GARNL3: variants seen among roughly 807,000 people sequenced by gnomAD.
GARNL3 encodes GTPase activating Rap/RanGAP domain like 3.
Under a neutral mutation model 125.0 loss-of-function variants are expected in GARNL3, and 63 were observed. That is an observed-to-expected ratio of 0.50 (90% CI 0.41 to 0.62). The LOEUF (loss-of-function observed/expected upper bound fraction) is 0.62, where lower values mean the gene tolerates loss of function less well. GARNL3 is among the 20% of genes least tolerant of loss of function. The pLI, the probability that GARNL3 is intolerant of heterozygous loss-of-function variation, is 0.00. For missense variants in GARNL3, 994 were observed against 1,244.0 expected, an observed-to-expected ratio of 0.80 and a Z score of 3.02; for synonymous variants, 439 against 457.5, an observed-to-expected ratio of 0.96 and a Z score of 0.52.
chr9:127,293,455 A>T (rs1264625811), intron 2 of GARNL3, among the ~76,000 whole-genome samples: 1 of 152,150 alleles, frequency 6.6e-6, no homozygotes, highest in Admixed American at 6.5e-5. Flanking sequence ...CAAAAGCTTT[A>T]AGATTAGATC....
Position 127,393,381 on chromosome 9 carries a change from C to A in GARNL3, c.*127C>A. On this transcript the variant is annotated 3_prime_UTR_variant, in exon 28 of 28. Coordinates refer to ENST00000373387, the MANE Select transcript of GARNL3 (RefSeq NM_032293.5). ...TCAGTGATCTATTGGACCAAACCTT[C>A]TGCACACTCGGCCAGTTCCCTCTCC... 1.3e-6 allele frequency: 1 copy of A among 762,462 alleles called. No homozygotes were observed. The highest frequency in any genetic ancestry group is 2.1e-6 in the Non-Finnish European group (1 of 485,036). 47.2% of individuals were successfully genotyped at this position (762,462 alleles called of 1,614,324 possible).
rs776407850 is a variant in GARNL3 at position 127,354,439 on chromosome 9, C to T, written c.1759+29C>T. ...ACTTGATAGATTGGTAGATTCCATT[C>T]GATTCGTTTTTTTTTTTCCTCAGGC... On this transcript the variant is annotated intron_variant, in intron 19 of 27. Transcript: ENST00000373387. 22 of 1,338,506 alleles carry T rather than the reference C, an allele frequency of 1.6e-5. No individual in the cohort carries two copies. The East Asian group carries it at 1.9e-4, about 11-fold the overall frequency. The allele number at this position is 1,338,506 out of a possible 1,614,324, so 82.9% of individuals were successfully genotyped here. A position where few individuals can be genotyped will look rare whatever the true frequency, so the allele number is the denominator to read the frequency against.
chr9:127,225,067 G>A (rs949096460), intron 1 of GARNL3, among the ~76,000 whole-genome samples: 5 of 147,008 alleles, frequency 3.4e-5, no homozygotes, highest in Admixed American at 6.7e-5. Flanking sequence ...AGTGATCGCG[G>A]GGCGGGGCTT....
Position 127,385,041 on chromosome 9 carries a change from T to C in GARNL3, c.2284T>C (p.Tyr762His). 2 of 1,608,558 alleles carry C rather than the reference T, an allele frequency of 1.2e-6. No homozygotes were observed. The highest frequency in any genetic ancestry group is 1.7e-6 in the Non-Finnish European group (2 of 1,176,596). Residue 762 changes from tyrosine to histidine, a missense_variant, in exon 24 of 28, where the codon TAT (tyrosine) becomes CAT (histidine). Physicochemically the swap from Tyr to His is moderately conservative, Grantham distance 83. This residue lies in a region of GARNL3 where 728 missense variants were observed against 865.7 expected (regional missense o/e 0.84). Coordinates refer to ENST00000373387, the MANE Select transcript of GARNL3 (RefSeq NM_032293.5). This position sits in a 1 kb window ranked among gnomAD's most constrained non-coding sequence, Gnocchi z 4.1. ...APYAIVCAFPYLLAFTTDSME... is the reference protein window; with the variant it reads ...APYAIVCAFPHLLAFTTDSME... ...TTCCCTTGCAGTCTGTGCTTTCCCGTATCTCCTGGCCTTCACCACCGACTC... is the reference window on the plus strand; with the variant it reads ...TTCCCTTGCAGTCTGTGCTTTCCCGCATCTCCTGGCCTTCACCACCGACTC...
At chr9:127,337,600 A>C (rs1203648061) in intron 11 of GARNL3, among the ~76,000 whole-genome samples, 2 of 152,232 alleles carry the variant, frequency 1.3e-5, no homozygotes, top group Non-Finnish European at 2.9e-5. Flanking sequence ...TGCAAACCCC[A>C]GCACAAGCTA....
intron 14 of GARNL3, 84 bp from the exon 15 acceptor site, chr9:127,344,151 T>C (rs1223331131): frequency 1.1e-6 from 1 of 881,046 alleles, no homozygotes; most frequent in African/African-American, 1.7e-5. Context: ...ACCATTTGGA[T>C]AAATAGTTTT....
Position 127,313,564 on chromosome 9 carries a change from G to C in GARNL3, c.438+5G>C. 2 of 1,594,408 alleles carry C rather than the reference G, an allele frequency of 1.3e-6. No homozygotes were observed. The highest frequency in any genetic ancestry group is 1.7e-6 in the Non-Finnish European group (2 of 1,162,062). On this transcript the variant is annotated splice_donor_5th_base_variant and intron_variant, in intron 4 of 27. Transcript: ENST00000373387. Reference sequence around the variant, plus strand: ...GCAATTCTTTGGAGAAAAACAGTAAGTATATGGCTCACACTTGAAGCAAAA... The same window carrying C: ...GCAATTCTTTGGAGAAAAACAGTAACTATATGGCTCACACTTGAAGCAAAA...
At chr9:127,241,092 T>G (rs989634188) in intron 1 of GARNL3, among the ~76,000 whole-genome samples, 1 of 152,248 alleles carries the variant, frequency 6.6e-6, no homozygotes, top group Admixed American at 6.5e-5. Flanking sequence ...TAGTGGCTAG[T>G]GGCTACCCAG....
chr9:127,354,852 G>A (rs1564172198), intron 19 of GARNL3, among the ~76,000 whole-genome samples: 3 of 152,144 alleles, frequency 2.0e-5, no homozygotes, highest in South Asian at 4.1e-4. Context: ...GAGTGCAGTG[G>A]CACAATCTCG....
chr9:127,246,073 T>C (rs774269666), intron 2 of GARNL3, among the ~76,000 whole-genome samples: 1 of 152,144 alleles, frequency 6.6e-6, no homozygotes, highest in Admixed American at 6.5e-5. Flanking sequence ...TACTTTGAAG[T>C]TGGTGCTTCT....
At chr9:127,336,019 G>T in intron 10 of GARNL3, 109 bp from the exon 11 acceptor site, 2 of 764,552 alleles carry the variant, frequency 2.6e-6, no homozygotes, top group Non-Finnish European at 2.1e-6. Context: ...GAAGTTCAGG[G>T]CTCTGTCATA....
intron 2 of GARNL3, among the ~76,000 whole-genome samples, chr9:127,255,349 G>A (rs1461384646): frequency 1.3e-5 from 2 of 152,178 alleles, no homozygotes; most frequent in African/African-American, 2.4e-5. Context: ...AATCTCAAGA[G>A]CAAATTGTTC....
At chr9:127,390,865 C>T (rs1282319801) in intron 27 of GARNL3, 98 bp downstream of exon 27, 2 of 1,259,604 alleles carry the variant, frequency 1.6e-6, no homozygotes, top group Non-Finnish European at 2.2e-6. Flanking sequence ...CCACTAGTGG[C>T]CCCTGGCAGC....
chr9:127,324,769 A>G (rs950248304), intron 6 of GARNL3, among the ~76,000 whole-genome samples: 1 of 152,246 alleles, frequency 6.6e-6, no homozygotes, highest in Non-Finnish European at 1.5e-5. Context: ...CAAATAGATT[A>G]AATGACTTAT....
chr9:127,365,401 T>C, intron 22 of GARNL3, 35 bp downstream of exon 22: 1 of 1,496,866 alleles, frequency 6.7e-7, no homozygotes, highest in Non-Finnish European at 9.3e-7. Context: ...TTTATTTGCT[T>C]AAATGGACTG....
At chr9:127,254,746 G>A (rs1410962892) in intron 2 of GARNL3, among the ~76,000 whole-genome samples, 1 of 150,520 alleles carries the variant, frequency 6.6e-6, no homozygotes, top group African/African-American at 2.5e-5. Flanking sequence ...TCCAGCCTGG[G>A]TGACAGAGCG....
intron 3 of GARNL3, among the ~76,000 whole-genome samples, chr9:127,312,757 T>C (rs533534347): frequency 2.6e-5 from 4 of 152,270 alleles, no homozygotes; most frequent in African/African-American, 9.6e-5. Flanking sequence ...GCAAAGTTTA[T>C]TGGTGTGTGG....
chr9:127,226,742 AGTT>A (rs2062920695), intron 1 of GARNL3, among the ~76,000 whole-genome samples: 1 of 152,230 alleles, frequency 6.6e-6, no homozygotes, highest in Non-Finnish European at 1.5e-5. Context: ...CACTGCGTGT[AGTT>A]ACCCAGGTAG....
rs1175193745 is a variant in GARNL3 at position 127,242,339 on chromosome 9, G to A, written c.-28-740G>A. 6.6e-6 allele frequency among the ~76,000 whole-genome samples: 1 copy of A among 152,162 alleles called. No homozygotes were observed. Among genetic ancestry groups the A allele is most frequent in the African/African-American group, 2.4e-5 (1 of 41,436 alleles). Reference sequence around the variant, plus strand: ...TTTGTCTGTCAGTTGAGGTAGAGGTGAGTGAAGAGCCCTGCTAATTGGCTC... The same window carrying A: ...TTTGTCTGTCAGTTGAGGTAGAGGTAAGTGAAGAGCCCTGCTAATTGGCTC... On this transcript the variant is annotated intron_variant, in intron 1 of 10. Transcript: ENST00000439286. This position sits in a 1 kb window ranked among gnomAD's most constrained non-coding sequence, Gnocchi z 4.6.
Sources: gnomAD v4.1 joint callset for allele counts (sites outside exome capture counted in the v4.1 genomes callset) on GRCh38, gnomAD v4.1.1 for gene constraint, gnomAD v4.1.1 regional missense constraint, Gnocchi (gnomAD v3.1) non-coding constraint, MANE v1.5 for transcripts, NCBI Gene and HGNC (gene_info 2026-07-23, HGNC 2026-07-21) for gene names.